HECTD4: variants seen among roughly 807,000 people sequenced by gnomAD.
The protein encoded by HECTD4 is HECT domain E3 ubiquitin protein ligase 4.
HECTD4 carries 114 observed loss-of-function variants against 471.5 expected under a neutral mutation model. That is an observed-to-expected ratio of 0.24 (90% confidence interval 0.21 to 0.28). HECTD4 has a LOEUF of 0.28. Ranked by LOEUF, HECTD4 falls within the 10% of genes least tolerant of loss-of-function variation. HECTD4 has a pLI of 1.00. For synonymous variants in HECTD4, 2,012 were observed against 2,256.0 expected, an observed-to-expected ratio of 0.89 and a Z score of 3.07; for missense variants, 3,866 against 5,651.5, an observed-to-expected ratio of 0.68 and a Z score of 10.13.
At chr12:112,237,682 C>T (rs960764112) in intron 34 of HECTD4, among the ~76,000 whole-genome samples, 4 of 152,156 alleles carry the variant, frequency 2.6e-5, no homozygotes, top group Non-Finnish European at 5.9e-5. Context: ...ACTCCCACTG[C>T]ACATCCTATC....
Position 112,192,455 on chromosome 12 carries a change from A to G in HECTD4, c.9292+105T>C, listed in dbSNP as rs367970729. The G allele has an allele frequency of 1.9e-5, 15 of 806,714 alleles. No individual in the cohort carries two copies. The East Asian group carries it at 2.1e-4, about 11-fold the overall frequency. 50.0% of individuals were successfully genotyped at this position (806,714 alleles called of 1,614,324 possible). ...CCCAGAAGTCCTATTCTTTATCAAT[A>G]GGAACTGGAACATGCAAGGTACAAA... On this transcript the variant is annotated intron_variant, in intron 59 of 75. Transcript: ENST00000682272.
intron 1 of HECTD4, among the ~76,000 whole-genome samples, chr12:112,329,608 T>G (rs1253415108): frequency 6.6e-6 from 1 of 152,120 alleles, no homozygotes; most frequent in Non-Finnish European, 1.5e-5. Flanking sequence ...CCTGAAGAGA[T>G]CCGCCCACCT....
At chr12:112,334,577 G>A (rs916349607) in intron 1 of HECTD4, among the ~76,000 whole-genome samples, 7 of 147,912 alleles carry the variant, frequency 4.7e-5, no homozygotes, top group Non-Finnish European at 8.9e-5. Flanking sequence ...GGCAGATCAC[G>A]AGGTCAGGAG....
chr12:112,178,638 T>C (rs1163040952), intron 64 of HECTD4, among the ~76,000 whole-genome samples: 5 of 152,308 alleles, frequency 3.3e-5, no homozygotes, highest in Admixed American at 3.3e-4. Flanking sequence ...AAGACCAGCC[T>C]GGCCAACATG....
At chr12:112,346,677 A>G (rs2036157555) in intron 1 of HECTD4, among the ~76,000 whole-genome samples, 1 of 152,172 alleles carries the variant, frequency 6.6e-6, no homozygotes, top group South Asian at 2.1e-4. Flanking sequence ...TTTTGTGTTG[A>G]GGCTGCCATA....
chr12:112,208,134 C>T lies in HECTD4; in HGVS notation c.8005-134G>A, dbSNP rs1017518535. ...AGTAATAGAAAGATCAGACATAGAC[C>T]CCTGTACTAGATACACCCCCAGATG... On this transcript the variant is annotated intron_variant, in intron 51 of 75. Transcript: ENST00000682272. The T allele has an allele frequency of 3.8e-5, 40 of 1,040,180 alleles. No individual in the cohort carries two copies. In the East Asian group the frequency reaches 1.0e-3, roughly 26 times the overall value. The allele number at this position is 1,040,180 out of a possible 1,614,324, so 64.4% of individuals were successfully genotyped here. A position where few individuals can be genotyped will look rare whatever the true frequency, so the allele number is the denominator to read the frequency against.
chr12:112,329,062 C>T (rs921918454), intron 1 of HECTD4, among the ~76,000 whole-genome samples: 1 of 152,156 alleles, frequency 6.6e-6, no homozygotes, highest in African/African-American at 2.4e-5. Flanking sequence ...TGTTGTGGCC[C>T]CTGCCCAGTT....
chr12:112,378,564 T>C (rs1367720979), intron 1 of HECTD4, among the ~76,000 whole-genome samples: 1 of 151,992 alleles, frequency 6.6e-6, no homozygotes, highest in Non-Finnish European at 1.5e-5. Flanking sequence ...TGCAGTAAGG[T>C]TGCCAGTCAT....
At chr12:112,225,519 T>G (rs542497629) in intron 44 of HECTD4, among the ~76,000 whole-genome samples, 20 of 151,398 alleles carry the variant, frequency 1.3e-4, no homozygotes, top group African/African-American at 4.9e-4. Context: ...CAACTACCAA[T>G]TTACAGGAAA....
At position 112,161,537 on chromosome 12, in the gene HECTD4, A is replaced by C. The variant is rs1434006430; in HGVS notation, c.*850T>G. 1.3e-5 allele frequency: 2 copies of C among 152,048 alleles called. No homozygotes were observed. The highest frequency in any genetic ancestry group is 2.9e-5 in the Non-Finnish European group (2 of 68,108). The allele number at this position is 152,048 out of a possible 1,614,324, so 9.4% of individuals were successfully genotyped here. A position where few individuals can be genotyped will look rare whatever the true frequency, so the allele number is the denominator to read the frequency against. ...CTCCTTTTTTGTGGGGTAGGCTTGA[A>C]TCATGTGCTTTCCTCTCAACCAGAG... On this transcript the variant is annotated 3_prime_UTR_variant, in exon 76 of 76. Transcript: ENST00000682272.
At chr12:112,175,471 T>C (rs1289979086) in intron 66 of HECTD4, among the ~76,000 whole-genome samples, 1 of 152,188 alleles carries the variant, frequency 6.6e-6, no homozygotes, top group Non-Finnish European at 1.5e-5. Context: ...GTTTCTGTTG[T>C]TTAAGCTCAG....
In HECTD4 at chr12:112,185,028, T is replaced by G. The variant is rs2031810186; in HGVS notation, c.9938A>C (p.Lys3313Thr). 1.2e-6 allele frequency: 2 copies of G among 1,600,230 alleles called. No homozygotes were observed. Among genetic ancestry groups the G allele is most frequent in the Non-Finnish European group, 1.7e-6 (2 of 1,173,434 alleles). Residue 3313 changes from lysine (K) to threonine (T), a missense_variant, in exon 61 of 76, where the codon AAA becomes ACA. Physicochemically the swap from Lys to Thr is moderately conservative, Grantham distance 78. Coordinates refer to ENST00000682272, the MANE Select transcript of HECTD4 (RefSeq NM_001388303.1). Reference sequence around the variant, plus strand: ...CTTTTCCCGCTTCATCTTGACTTTTTTCCTCTTGGAGAGGAGGCTGGGACT... The same window carrying G: ...CTTTTCCCGCTTCATCTTGACTTTTGTCCTCTTGGAGAGGAGGCTGGGACT... ...PQSPSLLSKR[K>T]KVKMKREKAS...
Position 112,193,391 on chromosome 12 carries a change from G to A in HECTD4, c.8955+78C>T. 7.0e-7 allele frequency: 1 copy of A among 1,422,138 alleles called. No individual in the cohort carries two copies. Among genetic ancestry groups the A allele is most frequent in the Non-Finnish European group, 9.7e-7 (1 of 1,029,930 alleles). 88.1% of individuals were successfully genotyped at this position (1,422,138 alleles called of 1,614,324 possible). The stretch of plus-strand genomic sequence containing the variant: ...ATAGGGACTTGGAAGGGAAAGGGGA[G>A]TCATTTTCAGCAAGCCAGTGAGACT... On this transcript the variant is annotated intron_variant, in intron 57 of 75. Coordinates refer to ENST00000682272, the MANE Select transcript of HECTD4 (RefSeq NM_001388303.1). This position sits in a 1 kb window ranked among gnomAD's most constrained non-coding sequence, Gnocchi z 5.2.
At position 112,265,928 on chromosome 12, in the gene HECTD4, A is replaced by C. The variant is rs2301757; in HGVS notation, c.2448T>G (p.Ala816=). The C allele has an allele frequency of 0.036, 57,752 of 1,613,916 alleles. 11,250 individuals carry two copies. The East Asian group carries it at 0.64, about 18-fold the overall frequency. ...CAAATCGGTTGTTTTGGAGCTGTTC[A>C]GCCAGGTTGGTTAGGATCACATCCC... is the stretch of plus-strand genomic sequence containing the variant. The part of the protein sequence containing the change: ...QLRDVILTNL[A]EQLQNNRFGS... Residue 816 remains alanine, a synonymous_variant, in exon 15 of 76, where the codon GCT becomes GCG. Transcript: ENST00000682272.
chr12:112,182,194 G>A (rs2031697852), intron 62 of HECTD4, among the ~76,000 whole-genome samples: 1 of 151,862 alleles, frequency 6.6e-6, no homozygotes, highest in Non-Finnish European at 1.5e-5. Flanking sequence ...AGGCCAGTGT[G>A]ATGACTCACG....
chr12:112,226,020 C>T (rs1002845799), intron 44 of HECTD4, among the ~76,000 whole-genome samples: 6 of 151,916 alleles, frequency 3.9e-5, no homozygotes, highest in African/African-American at 1.5e-4. Context: ...TTTTCAGAGA[C>T]GTAAACTAAA....
In HECTD4 at chr12:112,170,281, T is replaced by C. The variant is rs1446751362; in HGVS notation, c.12052+52A>G. On this transcript the variant is annotated intron_variant, in intron 69 of 75. Coordinates refer to ENST00000682272, the MANE Select transcript of HECTD4 (RefSeq NM_001388303.1). ...CTTTTATGTTCCAGAAATCCGCTAG[T>C]GTGTTTAGGCACTGCCATTTTGCAT... is the stretch of plus-strand genomic sequence containing the variant. 2.5e-6 allele frequency: 4 copies of C among 1,598,260 alleles called. No homozygotes were observed. The African/African-American group carries it at 4.0e-5, about 16-fold the overall frequency.
chr12:112,268,369 C>T (rs764596783), intron 13 of HECTD4, among the ~76,000 whole-genome samples: 24 of 152,210 alleles, frequency 1.6e-4, no homozygotes, highest in Non-Finnish European at 3.2e-4. Flanking sequence ...CATCTATGCT[C>T]ACCCCTGTCA....
rs1057078684 is a variant in HECTD4 at position 112,194,945 on chromosome 12, C to T, written c.8689G>A (p.Asp2897Asn). 6.2e-7 allele frequency: 1 copy of T among 1,610,094 alleles called. No individual in the cohort carries two copies. Among genetic ancestry groups the T allele is most frequent in the Non-Finnish European group, 8.5e-7 (1 of 1,178,344 alleles). Residue 2897 changes from aspartate to asparagine, a missense_variant, in exon 56 of 76, where the codon GAC becomes AAC. Physicochemically the swap from Asp to Asn is conservative, Grantham distance 23. Around this residue, in one of 16 missense-constraint regions of HECTD4, gnomAD observed 266 missense variants for 441.6 expected, o/e 0.60. Transcript: ENST00000682272. This position sits in a 1 kb window ranked among gnomAD's most constrained non-coding sequence, Gnocchi z 4.6. ...TRLFHIPAIRDITLEHLQLLS... is the reference protein window; with the variant it reads ...TRLFHIPAIRNITLEHLQLLS... Reference sequence around the variant, plus strand: ...AGTTGCAGGTGCTCCAGGGTAATGTCCCGGATGGCAGGGATGTGGAAGAGG... The same window carrying T: ...AGTTGCAGGTGCTCCAGGGTAATGTTCCGGATGGCAGGGATGTGGAAGAGG...
Sources: gnomAD v4.1 joint callset for allele counts (sites outside exome capture counted in the v4.1 genomes callset) on GRCh38, gnomAD v4.1.1 for gene constraint, gnomAD v4.1.1 regional missense constraint, Gnocchi (gnomAD v3.1) non-coding constraint, MANE v1.5 for transcripts, NCBI Gene and HGNC (gene_info 2026-07-23, HGNC 2026-07-21) for gene names.